ASIC2: variants seen among roughly 807,000 people sequenced by gnomAD.
ASIC2 encodes acid-sensing ion channel 2.
Under a neutral mutation model 57.3 loss-of-function variants are expected in ASIC2, and 25 were observed. The observed-to-expected ratio is 0.44, with a 90% CI of 0.32 to 0.61. The LOEUF is 0.61. Among genes scored for constraint, ASIC2 ranks in the 20% least tolerant of loss-of-function variants. ASIC2 has a pLI of 0.06. For synonymous variants in ASIC2, 319 were observed against 307.5 expected (o/e 1.04, Z -0.39); for missense variants, 641 against 738.1 (o/e 0.87, Z 1.52).
intron 1 of ASIC2, among the ~76,000 whole-genome samples, chr17:33,683,467 G>A (rs764973836): frequency 1.3e-5 from 2 of 152,190 alleles, no homozygotes; most frequent in Non-Finnish European, 2.9e-5. Context: ...GACCTCCCTG[G>A]CTCAAGTGAT....
At chr17:33,707,748 G>A (rs760595588) in intron 1 of ASIC2, among the ~76,000 whole-genome samples, 26 of 152,124 alleles carry the variant, frequency 1.7e-4, no homozygotes, top group Admixed American at 3.9e-4. Flanking sequence ...TTTAATATCT[G>A]GTATCTTTTC....
At chr17:33,420,993 T>C (rs1189836568) in intron 1 of ASIC2, among the ~76,000 whole-genome samples, 1 of 152,200 alleles carries the variant, frequency 6.6e-6, no homozygotes, top group Admixed American at 6.5e-5. Flanking sequence ...CTTGGTTTAG[T>C]GAAGTTTCTA....
chr17:33,208,163 T>C (rs977462312), intron 1 of ASIC2, among the ~76,000 whole-genome samples: 2 of 152,146 alleles, frequency 1.3e-5, no homozygotes, highest in African/African-American at 4.8e-5. Context: ...CCTTGATGTG[T>C]TTGTTTCATG....
chr17:33,021,851 G>T (rs112336819), intron 6 of ASIC2, among the ~76,000 whole-genome samples: 3,116 of 152,304 alleles, frequency 0.02, 95 homozygotes, highest in African/African-American at 0.07. Context: ...ATCTGGCTGG[G>T]GGGTGTTCTG....
intron 1 of ASIC2, among the ~76,000 whole-genome samples, chr17:34,052,854 G>C (rs368317836): frequency 6.6e-6 from 1 of 151,806 alleles, no homozygotes; most frequent in Non-Finnish European, 1.5e-5. Context: ...CCTGACCTCA[G>C]GTGATCCACC....
Position 33,965,353 on chromosome 17 carries a change from C to G in ASIC2, c.555+190625G>C, listed in dbSNP as rs558554994. On this transcript the variant is annotated intron_variant, in intron 1 of 9. Coordinates refer to the ASIC2 transcript ENST00000359872. ...TGGATTTTTTTTCTTTTTCTAATTA[C>G]ATAGTATGAAGCATGGAGAATAAAC... Among the ~76,000 whole-genome samples the G allele has an allele frequency of 1.9e-4, 29 of 151,966 alleles. No individual in the cohort carries two copies. The East Asian group carries it at 4.7e-3, about 24-fold the overall frequency.
intron 1 of ASIC2, among the ~76,000 whole-genome samples, chr17:33,120,199 G>A (rs115922808): frequency 2.0e-3 from 309 of 152,286 alleles, no homozygotes; most frequent in African/African-American, 7.2e-3. Flanking sequence ...ATGCCCTGGG[G>A]CCCATCTGCT....
At chr17:33,928,584 T>C (rs1032752697) in intron 1 of ASIC2, among the ~76,000 whole-genome samples, 1 of 152,098 alleles carries the variant, frequency 6.6e-6, no homozygotes, top group African/African-American at 2.4e-5. Flanking sequence ...CCTCAAAAGA[T>C]GAACTGTGCC....
intron 1 of ASIC2, among the ~76,000 whole-genome samples, chr17:33,991,950 A>ATGTACCTTTATT (rs1452245336): frequency 3.3e-5 from 5 of 152,200 alleles, no homozygotes; most frequent in Admixed American, 3.3e-4. Flanking sequence ...GTATATTAAT[A>ATGTACCTTTATT]AAGGTTGTCC....
chr17:33,354,787 T>G (rs1453397260), intron 1 of ASIC2, among the ~76,000 whole-genome samples: 1 of 152,122 alleles, frequency 6.6e-6, no homozygotes, highest in Non-Finnish European at 1.5e-5. Context: ...TTTATCCCAG[T>G]TTGTCAGCCT....
intron 3 of ASIC2, among the ~76,000 whole-genome samples, chr17:33,066,055 C>G (rs763769298): frequency 1.3e-5 from 2 of 152,180 alleles, no homozygotes; most frequent in Admixed American, 1.3e-4. Context: ...CCCACCATGG[C>G]GGGACACCTG....
At chr17:33,514,653 T>G (rs969146019) in intron 1 of ASIC2, among the ~76,000 whole-genome samples, 2 of 152,218 alleles carry the variant, frequency 1.3e-5, no homozygotes, top group African/African-American at 4.8e-5. Context: ...TTTTCTGGAA[T>G]GGGATCCCAT....
At chr17:33,137,582 G>A (rs954577227) in intron 1 of ASIC2, among the ~76,000 whole-genome samples, 1 of 152,216 alleles carries the variant, frequency 6.6e-6, no homozygotes, top group Non-Finnish European at 1.5e-5. Context: ...CAGGGTTGGG[G>A]AGGAAGCTGG....
intron 1 of ASIC2, among the ~76,000 whole-genome samples, chr17:33,579,016 T>C (rs1053780992): frequency 2.0e-5 from 3 of 152,192 alleles, no homozygotes; most frequent in Non-Finnish European, 2.9e-5. Context: ...TCAGGTGCGC[T>C]GTCTCACTCC....
intron 1 of ASIC2, among the ~76,000 whole-genome samples, chr17:33,549,008 A>G (rs1915666276): frequency 6.6e-6 from 1 of 151,954 alleles, no homozygotes; most frequent in South Asian, 2.1e-4. Flanking sequence ...TATCTTGAGT[A>G]TTTATTTGTT....
At chr17:33,095,524 G>A (rs760982031) in intron 2 of ASIC2, among the ~76,000 whole-genome samples, 2 of 152,038 alleles carry the variant, frequency 1.3e-5, no homozygotes, top group Non-Finnish European at 2.9e-5. Context: ...TGAGACAGAG[G>A]ATCCCACCCT....
At chr17:33,139,690 A>G (rs2092379656) in intron 1 of ASIC2, among the ~76,000 whole-genome samples, 1 of 152,086 alleles carries the variant, frequency 6.6e-6, no homozygotes, top group Non-Finnish European at 1.5e-5. Flanking sequence ...GGTCTCTCAG[A>G]CTGGGCCCCT....
chr17:33,155,744 G>C (rs147075859), intron 1 of ASIC2, among the ~76,000 whole-genome samples: 3,024 of 151,876 alleles, frequency 0.02, 78 homozygotes, highest in African/African-American at 0.058. Context: ...ATTTTTAGTA[G>C]AGATGGGGTT....
At chr17:34,148,936 G>A (rs2142142113) in intron 1 of ASIC2, among the ~76,000 whole-genome samples, 1 of 152,186 alleles carries the variant, frequency 6.6e-6, no homozygotes, top group South Asian at 2.1e-4. Flanking sequence ...GAGCAGACAT[G>A]ACACCAGATG....
Sources: gnomAD v4.1 joint callset for allele counts (sites outside exome capture counted in the v4.1 genomes callset) on GRCh38, gnomAD v4.1.1 for gene constraint, MANE v1.5 for transcripts, NCBI Gene and HGNC (gene_info 2026-07-23, HGNC 2026-07-21) for gene names.